PRAG1: variants seen among roughly 807,000 people sequenced by gnomAD.
PRAG1 encodes inactive tyrosine-protein kinase PRAG1.
In PRAG1, 110 loss-of-function variants were observed where a neutral mutation model predicts 95.6. That is an observed-to-expected ratio of 1.15 (90% CI 0.99 to 1.35). The LOEUF (loss-of-function observed/expected upper bound fraction) is 1.35, where lower values mean the gene tolerates loss of function less well. PRAG1 is among the 40% of genes most tolerant of loss of function. The pLI, the probability that PRAG1 is intolerant of heterozygous loss-of-function variation, is 0.00. For synonymous variants in PRAG1, 1,052 were observed against 819.4 expected (o/e 1.28, Z -4.85); for missense variants, 2,554 against 1,864.7 (o/e 1.37, Z -6.81).
chr8:8,376,743 A>G lies in PRAG1; in HGVS notation c.1666T>C (p.Ser556Pro), dbSNP rs2116933626. The change falls in exon 3 of 6, where the codon TCC becomes CCC. Residue 556 changes from serine (S) to proline (P), a missense_variant. Transcript: ENST00000615670. ...PKLSKSSPVG[S>P]PVSPSAGGPP... ...CCTCCAGCAGACGGTGACACCGGGG[A>G]CCCTACAGGGCTACTCTTGGACAAC... 1 of 1,609,736 alleles carries G rather than the reference A, an allele frequency of 6.2e-7. No individual in the cohort carries two copies. Among genetic ancestry groups the G allele is most frequent in the East Asian group, 2.2e-5 (1 of 44,868 alleles).
chr8:8,349,435 C>T (rs1021712679), intron 3 of PRAG1, among the ~76,000 whole-genome samples: 3 of 152,016 alleles, frequency 2.0e-5, no homozygotes, highest in African/African-American at 2.4e-5. Context: ...CGCCCGCCAC[C>T]TCGCCAGGCT....
At position 8,318,143 on chromosome 8, in the gene PRAG1, T is replaced by G; in HGVS notation, c.*11A>C. 6.2e-7 allele frequency: 1 copy of G among 1,606,984 alleles called. No homozygotes were observed. Among genetic ancestry groups the G allele is most frequent in the South Asian group, 1.1e-5 (1 of 90,102 alleles). ...GGGAAGGGGCAGCGACGGTGCAGGC[T>G]GGGGCTTGGCTCACAGAAGCTGCAG... On this transcript the variant is annotated 3_prime_UTR_variant, in exon 6 of 6. Coordinates refer to ENST00000615670, the MANE Select transcript of PRAG1 (RefSeq NM_001080826.3). The surrounding 1 kb of genome is among the most constrained non-coding windows in gnomAD (Gnocchi z 4.2).
In PRAG1 at chr8:8,377,272, G is replaced by T. The variant is rs765488254; in HGVS notation, c.1137C>A (p.Asp379Glu). ...TAGGGGTCACCCCTGGGCAGCCAGG[G>T]TCCTGCTGCTTCTCTGGGGCAGGTT... ...MKEPAPEKQQ[D>E]PGCPGVTPSR... The change falls in exon 3 of 6, where the codon GAC (aspartate) becomes GAA (glutamate). Residue 379 changes from aspartate to glutamate, a missense_variant. Transcript: ENST00000615670. 1 of 1,612,790 alleles carries T rather than the reference G, an allele frequency of 6.2e-7. No homozygotes were observed. Among genetic ancestry groups the T allele is most frequent in the Non-Finnish European group, 8.5e-7 (1 of 1,179,976 alleles).
At chr8:8,347,317 C>T (rs943091160) in intron 3 of PRAG1, among the ~76,000 whole-genome samples, 2 of 152,190 alleles carry the variant, frequency 1.3e-5, no homozygotes, top group African/African-American at 2.4e-5. Context: ...TGTGAATTCA[C>T]CAGCTCAGAG....
intron 3 of PRAG1, among the ~76,000 whole-genome samples, chr8:8,349,003 G>A (rs1799432633): frequency 1.3e-5 from 2 of 152,098 alleles, no homozygotes; most frequent in Admixed American, 1.3e-4. Flanking sequence ...AATTACACTT[G>A]CCCAGCAAAA....
At chr8:8,365,759 T>C (rs1799981859) in intron 3 of PRAG1, among the ~76,000 whole-genome samples, 1 of 151,684 alleles carries the variant, frequency 6.6e-6, no homozygotes, top group African/African-American at 2.4e-5. Context: ...GGTCAGGAGT[T>C]TGGGACCAGC....
chr8:8,318,671 C>G lies in PRAG1; in HGVS notation c.3704G>C (p.Ser1235Thr). Residue 1235 changes from serine to threonine, a missense_variant, in exon 6 of 6, where the codon AGC becomes ACC. Ser to Thr is a moderately conservative substitution (Grantham distance 58). Transcript: ENST00000615670. This position sits in a 1 kb window ranked among gnomAD's most constrained non-coding sequence, Gnocchi z 4.2. ...GATCTCGGGGGCCAGCCGGGCCTGG[C>G]TCTTCTTCTGCTGCAGGTTTGGGGT... ...GGTPNLQQKK[S>T]QARLAPEIVS... is the part of the protein sequence containing the mutation. 6.2e-7 allele frequency: 1 copy of G among 1,611,522 alleles called. No individual in the cohort carries two copies. Among genetic ancestry groups the G allele is most frequent in the East Asian group, 2.2e-5 (1 of 44,794 alleles).
rs1033941671 is a variant in PRAG1, at chr8:8,328,176, C to T, written c.2606G>A (p.Gly869Glu). 2.4e-5 allele frequency: 38 copies of T among 1,614,036 alleles called. No homozygotes were observed. In the Admixed American group the frequency reaches 4.3e-4, roughly 18 times the overall value. Residue 869 changes from glycine (G) to glutamate (E), a missense_variant, in exon 5 of 6, where the codon GGG becomes GAG. Coordinates refer to ENST00000615670, the MANE Select transcript of PRAG1 (RefSeq NM_001080826.3). Reference sequence around the variant, plus strand: ...GGAGAAGACAGGATGGTGGCGGTTCCCGGGGCTCAACGAATAGCTAAAGTG... The same window carrying T: ...GGAGAAGACAGGATGGTGGCGGTTCTCGGGGCTCAACGAATAGCTAAAGTG... Reference protein sequence around the residue: ...ESHFSYSLSPGNRHHPVFSSS... With the variant: ...ESHFSYSLSPENRHHPVFSSS...
intron 4 of PRAG1, among the ~76,000 whole-genome samples, chr8:8,336,864 T>TCCCTA (rs1563233159): frequency 2.0e-4 from 30 of 151,588 alleles, no homozygotes; most frequent in African/African-American, 7.3e-4. Context: ...GGGTTTTCCT[T>TCCCTA]ATACAACTAA....
intron 3 of PRAG1, among the ~76,000 whole-genome samples, chr8:8,346,792 G>A (rs1017566284): frequency 6.6e-5 from 10 of 152,212 alleles, no homozygotes; most frequent in African/African-American, 2.4e-4. Flanking sequence ...GATTGAGGCC[G>A]ATTTTCATTC....
chr8:8,379,554 C>G (rs1800563545), intron 2 of PRAG1, among the ~76,000 whole-genome samples: 1 of 152,166 alleles, frequency 6.6e-6, no homozygotes, highest in Non-Finnish European at 1.5e-5. Flanking sequence ...TCACTGCAAC[C>G]AAAGGAAATG....
At chr8:8,330,671 C>T (rs1798791856) in intron 4 of PRAG1, among the ~76,000 whole-genome samples, 1 of 152,162 alleles carries the variant, frequency 6.6e-6, no homozygotes, top group African/African-American at 2.4e-5. Context: ...AAATAGCGAG[C>T]CAGAAGAGGG....
chr8:8,330,342 G>A (rs1313475329), intron 4 of PRAG1, among the ~76,000 whole-genome samples: 1 of 152,176 alleles, frequency 6.6e-6, no homozygotes. Flanking sequence ...CTCCCACCTG[G>A]GCTATAGAGT....
At chr8:8,351,300 A>G (rs1799513529) in intron 3 of PRAG1, among the ~76,000 whole-genome samples, 1 of 152,162 alleles carries the variant, frequency 6.6e-6, no homozygotes, top group African/African-American at 2.4e-5. Flanking sequence ...TATCATGAGA[A>G]CAGCACCAAA....
chr8:8,368,109 T>C (rs1001637177), intron 3 of PRAG1, among the ~76,000 whole-genome samples: 5 of 152,192 alleles, frequency 3.3e-5, no homozygotes, highest in Admixed American at 1.3e-4. Flanking sequence ...CAAGTATAAA[T>C]TGGTATGAAA....
intron 3 of PRAG1, among the ~76,000 whole-genome samples, chr8:8,342,361 A>C (rs2116843515): frequency 6.6e-6 from 1 of 151,494 alleles, no homozygotes; most frequent in South Asian, 2.1e-4. Context: ...ACGCCCCGCT[A>C]ATTTTTTTGT....
At chr8:8,355,618 G>T (rs559703368) in intron 3 of PRAG1, among the ~76,000 whole-genome samples, 47 of 152,260 alleles carry the variant, frequency 3.1e-4, no homozygotes, top group African/African-American at 1.1e-3. Flanking sequence ...CTCAGAAATT[G>T]ATCCAGACAT....
chr8:8,320,584 T>G (rs13276576), intron 5 of PRAG1, among the ~76,000 whole-genome samples: 2 of 152,038 alleles, frequency 1.3e-5, no homozygotes, highest in Non-Finnish European at 2.9e-5. Context: ...ATGAATATTA[T>G]GCAACCTCAC....
chr8:8,355,071 T>C (rs1484547343), intron 3 of PRAG1, among the ~76,000 whole-genome samples: 1 of 128,846 alleles, frequency 7.8e-6, no homozygotes, highest in Non-Finnish European at 1.7e-5. Flanking sequence ...TTCGGTAAAG[T>C]TGCAGGATAG....
Sources: gnomAD v4.1 joint callset for allele counts (sites outside exome capture counted in the v4.1 genomes callset) on GRCh38, gnomAD v4.1.1 for gene constraint, Gnocchi (gnomAD v3.1) non-coding constraint, MANE v1.5 for transcripts, NCBI Gene and HGNC (gene_info 2026-07-23, HGNC 2026-07-21) for gene names.